ROBO2: variants seen among roughly 807,000 people sequenced by gnomAD.
ROBO2 encodes the protein roundabout homolog 2.
A neutral mutation model predicts 160.8 loss-of-function variants in ROBO2; 53 were observed. That is an observed-to-expected ratio of 0.33 (90% CI 0.26 to 0.41). The LOEUF (loss-of-function observed/expected upper bound fraction) is 0.41, where lower values mean the gene tolerates loss of function less well. Among genes scored for constraint, ROBO2 ranks in the 10% least tolerant of loss-of-function variants. ROBO2 has a pLI of 1.00. For missense variants in ROBO2, 1,577 were observed against 1,722.4 expected (o/e 0.92, Z 1.49); for synonymous variants, 664 against 611.7 (o/e 1.09, Z -1.26).
intron 2 of ROBO2, among the ~76,000 whole-genome samples, chr3:76,496,825 C>T (rs2107593802): frequency 6.6e-6 from 1 of 152,262 alleles, no homozygotes; most frequent in African/African-American, 2.4e-5. Flanking sequence ...TCTCATCAAC[C>T]ATACTATTAT....
intron 2 of ROBO2, among the ~76,000 whole-genome samples, chr3:76,473,158 A>C (rs1236381233): frequency 6.6e-6 from 1 of 152,162 alleles, no homozygotes; most frequent in South Asian, 2.1e-4. Flanking sequence ...TTTACAGTTC[A>C]TTCCAGGCTT....
intron 2 of ROBO2, among the ~76,000 whole-genome samples, chr3:76,856,664 A>G (rs901699475): frequency 2.0e-5 from 3 of 152,200 alleles, no homozygotes; most frequent in Admixed American, 6.5e-5. Context: ...TTGGGGCCCA[A>G]TAATTTTCAT....
chr3:77,192,070 A>G (rs931295217), intron 2 of ROBO2, among the ~76,000 whole-genome samples: 4 of 152,194 alleles, frequency 2.6e-5, no homozygotes, highest in Non-Finnish European at 4.4e-5. Context: ...GAAAGTAAGC[A>G]ATGTAACATT....
chr3:77,501,157 C>G (rs2087543070), intron 5 of ROBO2, among the ~76,000 whole-genome samples: 1 of 152,152 alleles, frequency 6.6e-6, no homozygotes, highest in South Asian at 2.1e-4. Flanking sequence ...ACTAGGGCAA[C>G]ATTTTACCTT....
intron 2 of ROBO2, among the ~76,000 whole-genome samples, chr3:76,390,471 G>T (rs185869410): frequency 2.0e-5 from 3 of 152,100 alleles, no homozygotes; most frequent in Non-Finnish European, 2.9e-5. Flanking sequence ...ATTCTTTTTA[G>T]ATGATATTAC....
At position 77,475,347 on chromosome 3, in the gene ROBO2, T is replaced by C. The variant is rs1030478708; in HGVS notation, c.389-2067T>C. Among the ~76,000 whole-genome samples, 11 of 152,186 alleles carry C rather than the reference T, an allele frequency of 7.2e-5. No homozygotes were observed. In the South Asian group the frequency reaches 8.3e-4, roughly 11 times the overall value. Reference sequence around the variant, plus strand: ...TTTGTTGAATGCCATAAGCACATGTTTTATTGTTGAAGAGTACCAGTCCTT... The same window carrying C: ...TTTGTTGAATGCCATAAGCACATGTCTTATTGTTGAAGAGTACCAGTCCTT... On this transcript the variant is annotated intron_variant, in intron 2 of 25. Transcript: ENST00000461745.
At chr3:75,966,299 A>T (rs1194789020) in intron 2 of ROBO2, among the ~76,000 whole-genome samples, 1 of 151,712 alleles carries the variant, frequency 6.6e-6, no homozygotes, top group East Asian at 2.0e-4. Context: ...ATGCAAAAAG[A>T]ACATGAATGT....
chr3:76,978,113 T>C (rs1258556671), intron 2 of ROBO2, among the ~76,000 whole-genome samples: 1 of 152,196 alleles, frequency 6.6e-6, no homozygotes, highest in African/African-American at 2.4e-5. Context: ...ATAGTTATTT[T>C]TTAAACTATG....
chr3:77,292,282 AC>A (rs543207737), intron 2 of ROBO2, among the ~76,000 whole-genome samples: 25 of 151,304 alleles, frequency 1.7e-4, no homozygotes, highest in African/African-American at 5.8e-4. Context: ...AGGCTAGATC[AC>A]CCAGACATAA....
At chr3:75,925,138 A>C (rs894345956) in intron 1 of ROBO2, among the ~76,000 whole-genome samples, 3 of 151,974 alleles carry the variant, frequency 2.0e-5, no homozygotes, top group Non-Finnish European at 4.4e-5. Context: ...CATTCATGTC[A>C]TCCCAGCACT....
intron 2 of ROBO2, among the ~76,000 whole-genome samples, chr3:77,448,607 A>G (rs1158405238): frequency 6.6e-6 from 1 of 152,118 alleles, no homozygotes; most frequent in Non-Finnish European, 1.5e-5. Context: ...GCGTAAGGAC[A>G]GGTATTAGTC....
intron 2 of ROBO2, among the ~76,000 whole-genome samples, chr3:76,235,958 A>T (rs1704918964): frequency 6.6e-6 from 1 of 152,162 alleles, no homozygotes; most frequent in Non-Finnish European, 1.5e-5. Flanking sequence ...GTTATCAAAA[A>T]TAATAGAAAT....
intron 2 of ROBO2, among the ~76,000 whole-genome samples, chr3:77,314,444 T>C (rs1470560671): frequency 6.6e-6 from 1 of 152,222 alleles, no homozygotes; most frequent in Non-Finnish European, 1.5e-5. Context: ...TAAGGTGTTT[T>C]GTCTTAAGTC....
intron 2 of ROBO2, among the ~76,000 whole-genome samples, chr3:76,425,705 A>G (rs1490493567): frequency 2.0e-5 from 3 of 152,088 alleles, no homozygotes; most frequent in Non-Finnish European, 4.4e-5. Context: ...TTCCTCAAGA[A>G]CAAAGATACC....
At chr3:77,284,184 A>G (rs924684357) in intron 2 of ROBO2, among the ~76,000 whole-genome samples, 4 of 152,188 alleles carry the variant, frequency 2.6e-5, no homozygotes, top group Non-Finnish European at 5.9e-5. Context: ...TGCTACAACA[A>G]TAGAGCTGAG....
intron 2 of ROBO2, among the ~76,000 whole-genome samples, chr3:77,410,687 T>TTCC (rs1560758567): frequency 8.7e-4 from 63 of 72,194 alleles, no homozygotes; most frequent in African/African-American, 2.3e-3. Context: ...CCTCCTCCTC[T>TTCC]TCCTCCTCCT....
rs561441606 is a variant in ROBO2, at chr3:76,707,542, G to A, written c.110-390472G>A. 2.1e-3 allele frequency among the ~76,000 whole-genome samples: 312 copies of A among 151,926 alleles called. 1 individual carries two copies. Among genetic ancestry groups the A allele is most frequent in the African/African-American group, 7.1e-3 (296 of 41,442 alleles). On this transcript the variant is annotated intron_variant, in intron 2 of 26. Transcript: ENST00000487694. ...CATACCACACTGGAGCATGCCACAA[G>A]TTCCCAAGGCTGGTGACTCCTCCCT... is the stretch of plus-strand genomic sequence containing the variant.
chr3:76,315,498 A>G (rs2071939848), intron 2 of ROBO2, among the ~76,000 whole-genome samples: 1 of 152,294 alleles, frequency 6.6e-6, no homozygotes, highest in East Asian at 1.9e-4. Context: ...TGACCTAGGA[A>G]TATTTAGAGT....
chr3:76,951,378 C>G lies in ROBO2; in HGVS notation c.110-146636C>G, dbSNP rs182438186. On this transcript the variant is annotated intron_variant, in intron 2 of 26. Coordinates refer to the ROBO2 transcript ENST00000487694. ...CTTTTAAAAAGTTGTGCTAACCTCA[C>G]TCATCCCATTCCAATATTTAGCTTC... 1.7e-3 allele frequency among the ~76,000 whole-genome samples: 256 copies of G among 152,284 alleles called. 1 individual carries two copies. Among genetic ancestry groups the G allele is most frequent in the African/African-American group, 5.2e-3 (217 of 41,566 alleles).
Sources: gnomAD v4.1 joint callset for allele counts (sites outside exome capture counted in the v4.1 genomes callset) on GRCh38, gnomAD v4.1.1 for gene constraint, MANE v1.5 for transcripts, NCBI Gene and HGNC (gene_info 2026-07-23, HGNC 2026-07-21) for gene names.